The following CEP72 variants were observed in gnomAD, a reference collection of about 807,000 sequenced individuals.
CEP72 encodes centrosomal protein 72, also known as centrosomal protein of 72 kDa.
In CEP72, 78 loss-of-function variants were observed where a neutral mutation model predicts 65.7. That is an observed-to-expected ratio of 1.19 (90% confidence interval 0.99 to 1.43). The LOEUF is 1.43. Among genes scored for constraint, CEP72 ranks in the 40% most tolerant of loss-of-function variants. The probability of loss-of-function intolerance (pLI) is 0.00; values close to 1 mark genes in which losing one functional copy is unlikely to be tolerated. For missense variants in CEP72, 914 were observed against 832.9 expected, an observed-to-expected ratio of 1.10 and a Z score of -1.20; for synonymous variants, 358 against 351.7, an observed-to-expected ratio of 1.02 and a Z score of -0.20.
intron 1 of CEP72, among the ~76,000 whole-genome samples, chr5:616,714 G>A (rs191185101): frequency 1.3e-5 from 2 of 152,156 alleles, no homozygotes; most frequent in African/African-American, 2.4e-5. Flanking sequence ...GCACCACCTC[G>A]TTCTAGCCAG....
Position 639,116 on chromosome 5 carries a change from C to G in CEP72, c.1234C>G (p.Pro412Ala). Residue 412 changes from proline (P) to alanine (A), a missense_variant, in exon 8 of 12, where the codon CCC (proline) becomes GCC (alanine). Pro to Ala is a conservative substitution (Grantham distance 27, BLOSUM62 -1). Transcript: ENST00000264935. ...GTCTCCCGGGTCACACTCGGCTCTACCCGGGAAGAAGACGGCCCTGCAGGC... is the reference window on the plus strand; with the variant it reads ...GTCTCCCGGGTCACACTCGGCTCTAGCCGGGAAGAAGACGGCCCTGCAGGC... ...EPSPGSHSALPGKKTALQAAL... is the reference protein window; with the variant it reads ...EPSPGSHSALAGKKTALQAAL... 1.2e-6 allele frequency: 2 copies of G among 1,613,216 alleles called. No individual in the cohort carries two copies. The highest frequency in any genetic ancestry group is 2.2e-5 in the South Asian group (2 of 91,070).
chr5:654,333 CTGTG>C (rs34134289), downstream of CEP72, among the ~76,000 whole-genome samples: 1 of 148,686 alleles, frequency 6.7e-6, no homozygotes, highest in Non-Finnish European at 1.5e-5. Flanking sequence ...TGTGTGTGCG[CTGTG>C]TGTGCGCGCA....
downstream of CEP72, among the ~76,000 whole-genome samples, chr5:655,776 T>G (rs1294010299): frequency 6.6e-6 from 1 of 152,230 alleles, no homozygotes; most frequent in East Asian, 1.9e-4. The surrounding 1 kb of genome is among the most constrained non-coding windows in gnomAD (Gnocchi z 5.0). Context: ...TTTCCCTACT[T>G]TTCTATTGGA....
chr5:665,744 C>T, intron 3 of CEP72, among the ~76,000 whole-genome samples: 1 of 138,196 alleles, frequency 7.2e-6, no homozygotes, highest in African/African-American at 2.7e-5. Context: ...GACCACGCCT[C>T]CCCAGGCCTC....
downstream of CEP72, among the ~76,000 whole-genome samples, chr5:654,078 CTA>C (rs1295269438): frequency 6.3e-5 from 6 of 95,990 alleles, no homozygotes; most frequent in African/African-American, 1.2e-4. Flanking sequence ...GTGTGTGCGC[CTA>C]GTGTGTGTGT....
intron 2 of CEP72, chr5:663,750 C>G (rs1739779725): frequency 6.6e-6 from 1 of 152,462 alleles, no homozygotes; most frequent in Non-Finnish European, 1.5e-5. Flanking sequence ...CACGGGCTAA[C>G]AGGCTCTGGA....
At chr5:634,412 T>C (rs555441576) in intron 5 of CEP72, among the ~76,000 whole-genome samples, 1 of 152,362 alleles carries the variant, frequency 6.6e-6, no homozygotes, top group East Asian at 1.9e-4. Context: ...TGATGGGCTT[T>C]AGCTTCATTT....
At chr5:670,140 C>T (rs1403834179), downstream of CEP72, among the ~76,000 whole-genome samples, 1 of 152,298 alleles carries the variant, frequency 6.6e-6, no homozygotes, top group East Asian at 1.9e-4. Context: ...CCTGGGGCCT[C>T]CAGGAGCTGG....
At chr5:614,817 C>A (rs1043203304) in intron 1 of CEP72, among the ~76,000 whole-genome samples, 1 of 152,080 alleles carries the variant, frequency 6.6e-6, no homozygotes, top group African/African-American at 2.4e-5. Context: ...AGCATCTGGT[C>A]TATGTTGTTG....
At chr5:651,387 T>C (rs900463382) in intron 11 of CEP72, among the ~76,000 whole-genome samples, 26 of 150,224 alleles carry the variant, frequency 1.7e-4, no homozygotes, top group African/African-American at 5.0e-4. Context: ...GAATGTGAGG[T>C]GTGGACTGAG....
chr5:638,974 G>A (rs1709552), intron 7 of CEP72, 115 bp from the exon 8 acceptor site: 299,408 of 1,363,172 alleles, frequency 0.22, 35,651 homozygotes, highest in East Asian at 0.4. Flanking sequence ...GGGCCTCAGG[G>A]CACCTGTCCT....
chr5:625,012 A>C (rs1736654823), intron 4 of CEP72, among the ~76,000 whole-genome samples: 2 of 151,714 alleles, frequency 1.3e-5, no homozygotes, highest in African/African-American at 4.8e-5. Context: ...TTCCTCCCCC[A>C]CCCTTTCTGT....
rs770625827 is a variant in CEP72, at chr5:624,428, G to A, written c.404-43G>A. 5.4e-6 allele frequency: 8 copies of A among 1,486,302 alleles called. No individual in the cohort carries two copies. In the Admixed American group the frequency reaches 8.4e-5, roughly 16 times the overall value. 92.1% of individuals were successfully genotyped at this position (1,486,302 alleles called of 1,614,324 possible). ...TGCCCCAGGGTGGATGCAGCCGCCC[G>A]CCGCTTGCCACCTGCACAGTCTTGT... On this transcript the variant is annotated intron_variant, in intron 3 of 11. Coordinates refer to ENST00000264935, the MANE Select transcript of CEP72 (RefSeq NM_018140.4). The surrounding 1 kb of genome is among the most constrained non-coding windows in gnomAD (Gnocchi z 4.7).
exon 4 of CEP72, chr5:666,017 C>G (rs1201662379): frequency 1.2e-6 from 2 of 1,608,860 alleles, no homozygotes; most frequent in African/African-American, 1.3e-5. Context: ...AGCCTGTGCA[C>G]CTCGCGAACG....
chr5:613,099 G>A (rs944910881), intron 1 of CEP72, among the ~76,000 whole-genome samples: 1 of 152,220 alleles, frequency 6.6e-6, no homozygotes, highest in African/African-American at 2.4e-5. Context: ...TTCACCGCGA[G>A]TCTTGGCTGT....
chr5:628,189 T>C (rs1736878896), intron 4 of CEP72, among the ~76,000 whole-genome samples: 2 of 152,252 alleles, frequency 1.3e-5, no homozygotes. Flanking sequence ...GCGTGAAAGC[T>C]TCAGTCATGG....
intron 9 of CEP72, chr5:643,288 G>A (rs1034305900): frequency 2.0e-6 from 2 of 985,320 alleles, no homozygotes; most frequent in Non-Finnish European, 2.4e-6. Context: ...ACCATGAGAC[G>A]TGGCACTGCC....
At chr5:634,019 G>T (rs1020913533) in intron 5 of CEP72, 72 bp downstream of exon 5, 2 of 1,404,800 alleles carry the variant, frequency 1.4e-6, no homozygotes, top group Non-Finnish European at 2.0e-6. Flanking sequence ...TACTGGGCTT[G>T]GAGTCCACAG....
At chr5:666,682 C>T (rs922604817) in intron 4 of CEP72, among the ~76,000 whole-genome samples, 3 of 151,994 alleles carry the variant, frequency 2.0e-5, no homozygotes, top group Admixed American at 6.5e-5. Flanking sequence ...AGGTGCAGAG[C>T]CCGGTGGGCC....
Sources: allele counts gnomAD v4.1 joint callset (sites outside exome capture counted in the v4.1 genomes callset), GRCh38; gene constraint gnomAD v4.1.1; non-coding constraint Gnocchi (gnomAD v3.1); transcripts MANE v1.5; gene names NCBI Gene and HGNC (gene_info 2026-07-23, HGNC 2026-07-21).